The following STAB2 variants were observed in gnomAD, a reference collection of about 807,000 sequenced individuals.
The protein encoded by STAB2 is stabilin 2.
A neutral mutation model predicts 338.1 loss-of-function variants in STAB2; 288 were observed. The observed-to-expected ratio is 0.85, with a 90% CI of 0.77 to 0.94. The LOEUF is 0.94. Among genes scored for constraint, STAB2 ranks in the 40% least tolerant of loss-of-function variants. STAB2 has a pLI of 0.00. For synonymous variants in STAB2, 1,202 were observed against 1,193.3 expected (o/e 1.01, Z -0.15); for missense variants, 3,141 against 3,210.1 (o/e 0.98, Z 0.52).
At chr12:103,738,163 T>C (rs138260297) in intron 53 of STAB2, among the ~76,000 whole-genome samples, 194 of 152,256 alleles carry the variant, frequency 1.3e-3, no homozygotes, top group African/African-American at 4.6e-3. Context: ...CCATATGAAA[T>C]TGCCATATTT....
Position 103,703,243 on chromosome 12 carries a change from C to T in STAB2, c.3810C>T (p.Asn1270=), listed in dbSNP as rs141074129. The part of the protein sequence containing the change: ...GLGKVLEIQK[N]RCDNNDTTII... ...GAAAAGTTCTGGAAATTCAGAAGAA[C>T]AGATGTGATAATAATGACACTACTA... Residue 1270 remains asparagine (N), a synonymous_variant, in exon 35 of 69, where the codon AAC becomes AAT. Transcript: ENST00000388887. 3.1e-6 allele frequency: 5 copies of T among 1,613,690 alleles called. No individual in the cohort carries two copies. The East Asian group carries it at 8.9e-5, about 29-fold the overall frequency.
chr12:103,590,116 G>A (rs77442544), intron 1 of STAB2, among the ~76,000 whole-genome samples: 2,500 of 152,148 alleles, frequency 0.016, 73 homozygotes, highest in African/African-American at 0.057. Flanking sequence ...GATCAGCCTC[G>A]GCATTATGAG....
intron 41 of STAB2, 61 bp from the exon 42 acceptor site, chr12:103,713,582 A>T (rs2139011434): frequency 6.3e-7 from 1 of 1,598,148 alleles, no homozygotes; most frequent in Non-Finnish European, 8.6e-7. Context: ...GACTTGAGGA[A>T]AAATACATCA....
chr12:103,628,772 C>G (rs948640732), intron 5 of STAB2, among the ~76,000 whole-genome samples: 1 of 152,190 alleles, frequency 6.6e-6, no homozygotes, highest in Non-Finnish European at 1.5e-5. Flanking sequence ...CTCATTACAT[C>G]TGCAATGACC....
chr12:103,736,235 C>T (rs1017651325), intron 52 of STAB2, among the ~76,000 whole-genome samples: 3 of 152,136 alleles, frequency 2.0e-5, no homozygotes, highest in Non-Finnish European at 2.9e-5. Flanking sequence ...CTGCAGCACA[C>T]GGTTCAAGCC....
chr12:103,737,859 G>T, intron 53 of STAB2, 79 bp downstream of exon 53: 1 of 1,568,382 alleles, frequency 6.4e-7, no homozygotes, highest in Non-Finnish European at 8.6e-7. Context: ...GGACCCTGTT[G>T]TGAAACCATT....
intron 3 of STAB2, among the ~76,000 whole-genome samples, chr12:103,608,074 C>A (rs975572235): frequency 6.6e-6 from 1 of 152,172 alleles, no homozygotes; most frequent in South Asian, 2.1e-4. Context: ...TTAATGATCG[C>A]CATTCTAACT....
rs143894948 is a variant in STAB2, at chr12:103,590,980, G to A, written c.165G>A (p.Pro55=). Residue 55 remains proline, a synonymous_variant, in exon 2 of 69, where the codon CCG becomes CCA. Transcript: ENST00000388887. Reference sequence around the variant, plus strand: ...CTCTCAACCTTGGAGTCAAGTGCCCGGATGGTTACACCATGATTACCAGTG... The same window carrying A: ...CTCTCAACCTTGGAGTCAAGTGCCCAGATGGTTACACCATGATTACCAGTG... The part of the protein sequence containing the change: ...SCALNLGVKC[P]DGYTMITSGS... 27 of 1,613,916 alleles carry A rather than the reference G, an allele frequency of 1.7e-5. No individual in the cohort carries two copies. The highest frequency in any genetic ancestry group is 8.3e-5 in the Admixed American group (5 of 59,986).
intron 13 of STAB2, chr12:103,654,975 A>T (rs1874072181): frequency 1.5e-5 from 8 of 547,442 alleles, no homozygotes; most frequent in Non-Finnish European, 1.6e-5. Flanking sequence ...ACCAATCATC[A>T]TGAAAATATT....
chr12:103,676,243 T>TAG (rs1275621725), intron 24 of STAB2, among the ~76,000 whole-genome samples: 4 of 151,918 alleles, frequency 2.6e-5, no homozygotes, highest in Non-Finnish European at 5.9e-5. Context: ...GTATTTTTAG[T>TAG]AGACAGGGTT....
rs535933076 is a variant in STAB2, at chr12:103,594,388, C to T, written c.216-7C>T. ...CGTGGGTTAATGTCCTCTCTTTACCCTCCAAGGTACACCTTTGAGGTCAGA... is the reference window on the plus strand; with the variant it reads ...CGTGGGTTAATGTCCTCTCTTTACCTTCCAAGGTACACCTTTGAGGTCAGA... On this transcript the variant is annotated splice_polypyrimidine_tract_variant and splice_region_variant and intron_variant, in intron 2 of 68. Coordinates refer to ENST00000388887, the MANE Select transcript of STAB2 (RefSeq NM_017564.10). 2 of 1,611,924 alleles carry T rather than the reference C, an allele frequency of 1.2e-6. No individual in the cohort carries two copies. The highest frequency in any genetic ancestry group is 8.5e-7 in the Non-Finnish European group (1 of 1,178,042).
intron 34 of STAB2, among the ~76,000 whole-genome samples, chr12:103,702,556 C>A (rs138400256): frequency 1.3e-5 from 2 of 152,144 alleles, no homozygotes; most frequent in Non-Finnish European, 2.9e-5. Context: ...GCCTCGGCCT[C>A]CCAAAGTGCT....
chr12:103,756,997 ATAT>A (rs1333267680), intron 63 of STAB2, among the ~76,000 whole-genome samples: 10 of 130,162 alleles, frequency 7.7e-5, no homozygotes, highest in African/African-American at 2.4e-4. Flanking sequence ...AGGAGGGAAA[ATAT>A]ATATATATAT....
chr12:103,708,291 C>T (rs1291087173), intron 38 of STAB2, 150 bp from the exon 39 acceptor site: 1 of 703,932 alleles, frequency 1.4e-6, no homozygotes, highest in African/African-American at 1.8e-5. Context: ...GCACCCCTGC[C>T]CTTTTTGTGA....
chr12:103,598,969 A>C (rs1956917143), intron 3 of STAB2, among the ~76,000 whole-genome samples: 1 of 152,212 alleles, frequency 6.6e-6, no homozygotes. Flanking sequence ...AGGTGAGGAC[A>C]CTGGGACTTT....
At chr12:103,693,447 A>G (rs2138920498) in intron 31 of STAB2, among the ~76,000 whole-genome samples, 1 of 152,306 alleles carries the variant, frequency 6.6e-6, no homozygotes, top group Middle Eastern at 3.4e-3. Flanking sequence ...AAAAACAAAA[A>G]AAAAACACAC....
intron 5 of STAB2, among the ~76,000 whole-genome samples, chr12:103,629,961 T>C (rs1279723210): frequency 6.6e-5 from 10 of 152,214 alleles, no homozygotes; most frequent in Admixed American, 6.5e-4. Context: ...ATCTAAGATG[T>C]ATAAAATAAA....
In STAB2 at chr12:103,669,160, T is replaced by C. The variant is rs1038574568; in HGVS notation, c.2173-381T>C. On this transcript the variant is annotated intron_variant, in intron 20 of 68. Coordinates refer to ENST00000388887, the MANE Select transcript of STAB2 (RefSeq NM_017564.10). ...GCCTCCCTAGTACCCACCTGACTTCTGGCCCTACCTGCCACCACTGGATGA... is the reference window on the plus strand; with the variant it reads ...GCCTCCCTAGTACCCACCTGACTTCCGGCCCTACCTGCCACCACTGGATGA... 1.2e-5 allele frequency: 3 copies of C among 260,036 alleles called. No individual in the cohort carries two copies. In the East Asian group the frequency reaches 2.5e-4, roughly 22 times the overall value. 16.1% of individuals were successfully genotyped at this position (260,036 alleles called of 1,614,324 possible). A position where few individuals can be genotyped will look rare whatever the true frequency, so the allele number is the denominator to read the frequency against.
At position 103,763,608 on chromosome 12, in the gene STAB2, G is replaced by C; in HGVS notation, c.7605G>C (p.Thr2535=). The change falls in exon 68 of 69, where the codon ACG becomes ACC. Residue 2535 remains threonine (T), a splice_region_variant and synonymous_variant. Transcript: ENST00000388887. ...CAGAACCTTCCTACGACCCCTTCACGGTGAGTTTGCATTCTTATCTAGGAA... is the reference window on the plus strand; with the variant it reads ...CAGAACCTTCCTACGACCCCTTCACCGTGAGTTTGCATTCTTATCTAGGAA... ...APPEPSYDPF[T]DSEERQLEGN... is the part of the protein sequence containing the mutation. 6.2e-7 allele frequency: 1 copy of C among 1,613,134 alleles called. No individual in the cohort carries two copies. The highest frequency in any genetic ancestry group is 1.3e-5 in the African/African-American group (1 of 74,982).
Sources: allele counts gnomAD v4.1 joint callset (sites outside exome capture counted in the v4.1 genomes callset), GRCh38; gene constraint gnomAD v4.1.1; transcripts MANE v1.5; gene names NCBI Gene and HGNC (gene_info 2026-07-23, HGNC 2026-07-21).